Variants in TENM4 observed in about 807,000 individuals in gnomAD.
The protein encoded by TENM4 is teneurin-4.
In TENM4, 82 loss-of-function variants were observed where a neutral mutation model predicts 243.3. That is an observed-to-expected ratio of 0.34 (90% CI 0.28 to 0.40). The LOEUF is 0.40. TENM4 is among the 10% of genes least tolerant of loss of function. The pLI is 1.00. For synonymous variants in TENM4, 1,412 were observed against 1,456.3 expected (o/e 0.97, Z 0.69); for missense variants, 3,138 against 3,673.3 (o/e 0.85, Z 3.77).
intron 6 of TENM4, among the ~76,000 whole-genome samples, chr11:78,979,354 C>T (rs967660292): frequency 1.9e-4 from 29 of 152,152 alleles, no homozygotes; most frequent in Non-Finnish European, 3.1e-4. Context: ...TGAGCAAACC[C>T]GGAATATGCA....
chr11:79,304,535 T>C (rs1195456760), intron 1 of TENM4, among the ~76,000 whole-genome samples: 2 of 152,194 alleles, frequency 1.3e-5, no homozygotes, highest in Non-Finnish European at 2.9e-5. Context: ...CCTTGAAACA[T>C]GCTCACTTTG....
chr11:78,955,925 G>A (rs1857199850), intron 6 of TENM4, among the ~76,000 whole-genome samples: 1 of 152,192 alleles, frequency 6.6e-6, no homozygotes, highest in East Asian at 1.9e-4. Flanking sequence ...ATAGGTGAGA[G>A]CTTGTCTAAT....
intron 2 of TENM4, among the ~76,000 whole-genome samples, chr11:79,282,773 T>G (rs1230353407): frequency 6.6e-6 from 1 of 151,758 alleles, no homozygotes; most frequent in Non-Finnish European, 1.5e-5. Context: ...TTTGCTTCAA[T>G]GGAGTATTTA....
At chr11:78,664,829 G>A (rs1055418828) in intron 32 of TENM4, among the ~76,000 whole-genome samples, 8 of 152,220 alleles carry the variant, frequency 5.3e-5, no homozygotes, top group Non-Finnish European at 1.2e-4. Context: ...GCAAAGGAAT[G>A]CTTCTATAAG....
chr11:78,832,878 AG>A (rs1349763928), intron 12 of TENM4, among the ~76,000 whole-genome samples: 1 of 152,248 alleles, frequency 6.6e-6, no homozygotes, highest in African/African-American at 2.4e-5. Context: ...CAATCACCAC[AG>A]TATCCTTAAC....
At chr11:78,983,831 G>C (rs928707512) in intron 6 of TENM4, among the ~76,000 whole-genome samples, 4 of 152,234 alleles carry the variant, frequency 2.6e-5, no homozygotes, top group African/African-American at 9.6e-5. Context: ...CTCATGAGAG[G>C]GAGGCAGGAG....
intron 3 of TENM4, among the ~76,000 whole-genome samples, chr11:79,199,918 T>C (rs1446114329): frequency 6.6e-6 from 1 of 152,128 alleles, no homozygotes; most frequent in Non-Finnish European, 1.5e-5. Flanking sequence ...TTCCCTGGGG[T>C]TGGCACCCAG....
At chr11:79,196,980 C>G (rs1043920102) in intron 3 of TENM4, among the ~76,000 whole-genome samples, 9 of 152,186 alleles carry the variant, frequency 5.9e-5, no homozygotes, top group African/African-American at 2.2e-4. Flanking sequence ...CTGGTCATGC[C>G]CAGGGTTAAG....
chr11:78,834,250 T>A (rs569682800), intron 12 of TENM4, among the ~76,000 whole-genome samples: 1 of 152,230 alleles, frequency 6.6e-6, no homozygotes, highest in Non-Finnish European at 1.5e-5. Flanking sequence ...TGTGTATATG[T>A]TCTTGTTTTA....
chr11:79,134,378 T>C (rs1293526885), intron 4 of TENM4, among the ~76,000 whole-genome samples: 1 of 152,168 alleles, frequency 6.6e-6, no homozygotes, highest in African/African-American at 2.4e-5. Context: ...CATTCCATGC[T>C]CATGAATGGG....
At chr11:78,968,649 G>A (rs932298686) in intron 6 of TENM4, among the ~76,000 whole-genome samples, 8 of 152,180 alleles carry the variant, frequency 5.3e-5, no homozygotes, top group Non-Finnish European at 8.8e-5. Context: ...GGCCAGGAAC[G>A]GGCCCAGATT....
intron 3 of TENM4, among the ~76,000 whole-genome samples, chr11:79,181,373 A>T (rs1220794971): frequency 6.6e-6 from 1 of 152,222 alleles, no homozygotes; most frequent in African/African-American, 2.4e-5. Context: ...CAGAAAAAGC[A>T]TTTGACAAAA....
intron 1 of TENM4, among the ~76,000 whole-genome samples, chr11:79,310,013 C>T (rs1044737325): frequency 5.3e-5 from 8 of 152,104 alleles, no homozygotes; most frequent in Admixed American, 1.3e-4. Context: ...CACCTCAGCC[C>T]CTGTGTCTCT....
chr11:79,282,622 A>G (rs1856176332), intron 2 of TENM4, among the ~76,000 whole-genome samples: 1 of 152,200 alleles, frequency 6.6e-6, no homozygotes, highest in Non-Finnish European at 1.5e-5. Flanking sequence ...GTTAACCTGA[A>G]TGGCAAGCTA....
chr11:79,283,082 C>T (rs539099364), intron 2 of TENM4, among the ~76,000 whole-genome samples: 1 of 152,004 alleles, frequency 6.6e-6, no homozygotes, highest in Non-Finnish European at 1.5e-5. Flanking sequence ...TTCCAAAATA[C>T]AGTCAAGATT....
At chr11:78,772,093 G>A (rs1020802165) in intron 17 of TENM4, among the ~76,000 whole-genome samples, 8 of 152,144 alleles carry the variant, frequency 5.3e-5, no homozygotes, top group Non-Finnish European at 2.9e-5. Context: ...CATCTGAGAG[G>A]GCTGTAGATG....
intron 3 of TENM4, among the ~76,000 whole-genome samples, chr11:79,200,094 C>T (rs1863709089): frequency 6.6e-6 from 1 of 152,238 alleles, no homozygotes; most frequent in African/African-American, 2.4e-5. Context: ...ACTCTTCTCG[C>T]CTTCTCTCCT....
At chr11:79,339,768 G>GA (rs1281265555) in intron 1 of TENM4, among the ~76,000 whole-genome samples, 1 of 152,146 alleles carries the variant, frequency 6.6e-6, no homozygotes, top group Non-Finnish European at 1.5e-5. Flanking sequence ...AGATGGAGGA[G>GA]AAAAGGGAGG....
intron 29 of TENM4, among the ~76,000 whole-genome samples, chr11:78,676,657 T>C (rs1295896444): frequency 1.3e-5 from 2 of 152,252 alleles, no homozygotes; most frequent in Non-Finnish European, 1.5e-5. Flanking sequence ...GGTAAGAGTT[T>C]TAAAACAGTT....
Sources: gnomAD v4.1 joint callset for allele counts (sites outside exome capture counted in the v4.1 genomes callset) on GRCh38, gnomAD v4.1.1 for gene constraint, MANE v1.5 for transcripts, NCBI Gene and HGNC (gene_info 2026-07-23, HGNC 2026-07-21) for gene names.